CALD1: variants seen among roughly 807,000 people sequenced by gnomAD.
CALD1 encodes the protein caldesmon.
CALD1 carries 33 observed loss-of-function variants against 99.9 expected under a neutral mutation model. The ratio of observed to expected loss-of-function variants is 0.33; its 90% CI spans 0.25 to 0.44. The LOEUF (loss-of-function observed/expected upper bound fraction) is 0.44, where lower values mean the gene tolerates loss of function less well. Ranked by LOEUF, CALD1 falls within the 20% of genes least tolerant of loss-of-function variation. The pLI is 1.00. For missense variants in CALD1, 861 were observed against 962.1 expected (o/e 0.89, Z 1.39); for synonymous variants, 310 against 325.0 (o/e 0.95, Z 0.50).
At chr7:134,921,439 C>G (rs943803377) in intron 3 of CALD1, among the ~76,000 whole-genome samples, 1 of 152,190 alleles carries the variant, frequency 6.6e-6, no homozygotes, top group Non-Finnish European at 1.5e-5. Context: ...TCTAATCTTA[C>G]CAGTTAGCAG....
chr7:134,796,842 T>A (rs570780281), intron 1 of CALD1, among the ~76,000 whole-genome samples: 118 of 152,154 alleles, frequency 7.8e-4, no homozygotes, highest in Non-Finnish European at 1.4e-3. Context: ...TGCCTCAGTT[T>A]CCCACAGTGC....
At chr7:134,835,068 C>G (rs1799379208) in intron 1 of CALD1, among the ~76,000 whole-genome samples, 1 of 152,232 alleles carries the variant, frequency 6.6e-6, no homozygotes, top group Non-Finnish European at 1.5e-5. Context: ...GGCTTGCAGC[C>G]TTCACTAGTT....
intron 1 of CALD1, among the ~76,000 whole-genome samples, chr7:134,762,716 G>A (rs1159051841): frequency 2.6e-5 from 4 of 152,002 alleles, no homozygotes; most frequent in East Asian, 1.9e-4. Flanking sequence ...AACAGATCTC[G>A]AGAGCACTCA....
intron 1 of CALD1, among the ~76,000 whole-genome samples, chr7:134,830,000 A>G (rs1799154628): frequency 6.6e-6 from 1 of 152,120 alleles, no homozygotes; most frequent in African/African-American, 2.4e-5. Context: ...CAACCAGGTA[A>G]ATATTGGTGT....
In CALD1 at chr7:134,757,578, T is replaced by C. The variant is rs188052288; in HGVS notation, c.-130+13215T>C. ...ACAAGAGTTCAAATGGTCTCCTGTATGACTATTTTAAAAATATGGAGGCCA... is the reference window on the plus strand; with the variant it reads ...ACAAGAGTTCAAATGGTCTCCTGTACGACTATTTTAAAAATATGGAGGCCA... On this transcript the variant is annotated intron_variant, in intron 1 of 13. Coordinates refer to the CALD1 transcript ENST00000417172. Among the ~76,000 whole-genome samples the C allele has an allele frequency of 2.0e-3, 306 of 152,228 alleles. 1 individual carries two copies. Among genetic ancestry groups the C allele is most frequent in the African/African-American group, 6.9e-3 (287 of 41,554 alleles).
intron 1 of CALD1, among the ~76,000 whole-genome samples, chr7:134,761,109 T>A (rs530143615): frequency 3.3e-5 from 5 of 152,268 alleles, no homozygotes; most frequent in South Asian, 4.1e-4. Context: ...CAGTCAGAGA[T>A]AAATCATTAG....
At chr7:134,766,215 G>A (rs1404172118) in intron 1 of CALD1, among the ~76,000 whole-genome samples, 4 of 130,012 alleles carry the variant, frequency 3.1e-5, no homozygotes, top group East Asian at 2.4e-4. Context: ...GTAGTGGCAC[G>A]ATCTTGGCTC....
the CALD1 span, among the ~76,000 whole-genome samples, chr7:134,730,048 A>C: frequency 6.6e-6 from 1 of 152,116 alleles, no homozygotes; most frequent in Non-Finnish European, 1.5e-5. Context: ...AGCAGAGGAC[A>C]TGAGGCGGCT....
At chr7:134,775,630 G>GA (rs1402689227), upstream of CALD1, among the ~76,000 whole-genome samples, 1 of 151,856 alleles carries the variant, frequency 6.6e-6, no homozygotes, top group African/African-American at 2.4e-5. Context: ...AGAATAGCTT[G>GA]AACCCGGGAA....
intron 11 of CALD1, among the ~76,000 whole-genome samples, chr7:134,959,021 C>A (rs1808041923): frequency 1.3e-5 from 2 of 150,760 alleles, no homozygotes; most frequent in African/African-American, 4.9e-5. Flanking sequence ...TACTGCCCCC[C>A]AATTGTGTGC....
intron 3 of CALD1, among the ~76,000 whole-genome samples, chr7:134,896,428 C>T (rs1802580437): frequency 6.6e-6 from 1 of 152,156 alleles, no homozygotes; most frequent in Non-Finnish European, 1.5e-5. Context: ...ATTGCTACTG[C>T]TGTTTATAGA....
At chr7:134,862,138 T>C (rs1366287597) in intron 2 of CALD1, among the ~76,000 whole-genome samples, 1 of 152,220 alleles carries the variant, frequency 6.6e-6, no homozygotes, top group East Asian at 1.9e-4. Flanking sequence ...TTTTTAGGAT[T>C]ATTTCTTACC....
At chr7:134,844,652 C>A (rs1037482629) in intron 2 of CALD1, among the ~76,000 whole-genome samples, 1 of 152,158 alleles carries the variant, frequency 6.6e-6, no homozygotes, top group Non-Finnish European at 1.5e-5. Flanking sequence ...AGTGAAAATC[C>A]ACAGACTGGG....
At position 134,790,525 on chromosome 7, in the gene CALD1, T is replaced by C. The variant is rs3823565; in HGVS notation, c.-130+10776T>C. ...AGGAGGTTTCCGTAACCAGTCATTA[T>C]AATTTGTCAGGGAGCCATACTGCAG... is the stretch of plus-strand genomic sequence containing the variant. On this transcript the variant is annotated intron_variant, in intron 1 of 14. Transcript: ENST00000361675. 7.2e-5 allele frequency among the ~76,000 whole-genome samples: 11 copies of C among 152,338 alleles called. No homozygotes were observed. In the East Asian group the frequency reaches 2.1e-3, roughly 29 times the overall value.
At chr7:134,836,527 C>T (rs1267272362) in intron 1 of CALD1, among the ~76,000 whole-genome samples, 1 of 151,998 alleles carries the variant, frequency 6.6e-6, no homozygotes, top group African/African-American at 2.4e-5. Flanking sequence ...TTTTCACAAA[C>T]TTTGGACTTT....
At chr7:134,926,685 T>C (rs750723238) in intron 3 of CALD1, among the ~76,000 whole-genome samples, 9 of 152,198 alleles carry the variant, frequency 5.9e-5, no homozygotes, top group Non-Finnish European at 1.2e-4. Flanking sequence ...AACTCTAACA[T>C]GAGCAAACCA....
upstream of CALD1, among the ~76,000 whole-genome samples, chr7:134,743,115 G>A (rs1243577938): frequency 6.6e-6 from 1 of 152,226 alleles, no homozygotes; most frequent in Admixed American, 6.5e-5. Flanking sequence ...CTTCTCAGAA[G>A]AGAGCTAGTG....
chr7:134,893,422 A>C (rs1012142400), intron 3 of CALD1, among the ~76,000 whole-genome samples: 1 of 152,196 alleles, frequency 6.6e-6, no homozygotes, highest in African/African-American at 2.4e-5. Context: ...AAATAAATAA[A>C]TGATGGGCAT....
At chr7:134,872,048 C>A (rs1166882172) in intron 3 of CALD1, among the ~76,000 whole-genome samples, 1 of 152,188 alleles carries the variant, frequency 6.6e-6, no homozygotes, top group Non-Finnish European at 1.5e-5. Context: ...TTTCAAATAA[C>A]CTCGACTGCA....
Sources: allele counts gnomAD v4.1 joint callset (sites outside exome capture counted in the v4.1 genomes callset), GRCh38; gene constraint gnomAD v4.1.1; transcripts MANE v1.5; gene names NCBI Gene and HGNC (gene_info 2026-07-23, HGNC 2026-07-21).